Variants in NCKAP5 observed in about 807,000 individuals in gnomAD.
NCKAP5 encodes NCK associated protein 5.
Under a neutral mutation model 167.0 loss-of-function variants are expected in NCKAP5, and 92 were observed. That is an observed-to-expected ratio of 0.55 (90% CI 0.47 to 0.66). NCKAP5 has a LOEUF of 0.66. Ranked by LOEUF, NCKAP5 falls within the 30% of genes least tolerant of loss-of-function variation. NCKAP5 has a pLI of 0.00. For synonymous variants in NCKAP5, 891 were observed against 877.4 expected (o/e 1.02, Z -0.27); for missense variants, 2,378 against 2,315.0 (o/e 1.03, Z -0.56).
At chr2:133,521,555 T>TC (rs1187699242) in intron 2 of NCKAP5, among the ~76,000 whole-genome samples, 1 of 152,200 alleles carries the variant, frequency 6.6e-6, no homozygotes, top group Non-Finnish European at 1.5e-5. Flanking sequence ...AAGTCCAAGA[T>TC]CAAGTGCTAG....
At chr2:132,729,716 C>G (rs1250994501) in intron 17 of NCKAP5, among the ~76,000 whole-genome samples, 1 of 152,150 alleles carries the variant, frequency 6.6e-6, no homozygotes, top group African/African-American at 2.4e-5. Flanking sequence ...AGTAGATTAA[C>G]CTGCATAGTG....
chr2:133,156,749 C>T (rs1244238531), intron 5 of NCKAP5, among the ~76,000 whole-genome samples: 3 of 152,156 alleles, frequency 2.0e-5, no homozygotes, highest in South Asian at 2.1e-4. Flanking sequence ...TGCTTCCTTG[C>T]CTCCAATCTC....
At chr2:133,328,576 G>C (rs1022317557) in intron 3 of NCKAP5, among the ~76,000 whole-genome samples, 1 of 152,158 alleles carries the variant, frequency 6.6e-6, no homozygotes, top group African/African-American at 2.4e-5. Context: ...CATCCTTTGA[G>C]AGCCAAAGTG....
In NCKAP5 at chr2:132,879,194, C is replaced by T. The variant is rs77796169; in HGVS notation, c.580-278G>A. On this transcript the variant is annotated intron_variant, in intron 8 of 19. Transcript: ENST00000409261. ...ATCATGGTTTGATGTGAGAGTGTTC[C>T]GTAAAAAGATTACAATGTTTATTTT... is the stretch of plus-strand genomic sequence containing the variant. 0.016 allele frequency among the ~76,000 whole-genome samples: 2,381 copies of T among 152,108 alleles called. 55 individuals carry two copies. Among genetic ancestry groups the T allele is most frequent in the African/African-American group, 0.053 (2,199 of 41,464 alleles).
At chr2:132,812,280 G>A (rs573796808) in intron 11 of NCKAP5, among the ~76,000 whole-genome samples, 2 of 152,268 alleles carry the variant, frequency 1.3e-5, no homozygotes, top group African/African-American at 4.8e-5. Context: ...TCCTGCCTCC[G>A]GTCCTCCGTG....
At chr2:133,093,159 T>C (rs1051676144) in intron 6 of NCKAP5, among the ~76,000 whole-genome samples, 1 of 152,248 alleles carries the variant, frequency 6.6e-6, no homozygotes, top group African/African-American at 2.4e-5. Context: ...ATATTAGCTG[T>C]TACTATTGCT....
intron 4 of NCKAP5, among the ~76,000 whole-genome samples, chr2:133,262,474 T>C (rs564736323): frequency 1.3e-5 from 2 of 152,360 alleles, no homozygotes; most frequent in East Asian, 1.9e-4. Flanking sequence ...GGTACCGACA[T>C]GCTTCTTAAA....
At position 133,197,733 on chromosome 2, in the gene NCKAP5, G is replaced by C. The variant is rs982347280; in HGVS notation, c.207+15983C>G. Among the ~76,000 whole-genome samples the C allele has an allele frequency of 2.0e-5, 3 of 152,140 alleles. No homozygotes were observed. The South Asian group carries it at 6.2e-4, about 31-fold the overall frequency. On this transcript the variant is annotated intron_variant, in intron 5 of 19. Coordinates refer to ENST00000409261, the MANE Select transcript of NCKAP5 (RefSeq NM_207363.3). ...TGGGAGGCCAAGGTGGGCAGATCATGAGGTCATGAGATAGAGACCATCCTG... is the reference window on the plus strand; with the variant it reads ...TGGGAGGCCAAGGTGGGCAGATCATCAGGTCATGAGATAGAGACCATCCTG...
At chr2:133,286,247 C>T (rs1157759267) in intron 4 of NCKAP5, among the ~76,000 whole-genome samples, 7 of 152,224 alleles carry the variant, frequency 4.6e-5, no homozygotes, top group South Asian at 4.2e-4. Context: ...CCGCCTGCCT[C>T]GGCCTCCCAA....
the NCKAP5 span, among the ~76,000 whole-genome samples, chr2:133,632,136 G>A: frequency 6.6e-6 from 1 of 152,184 alleles, no homozygotes; most frequent in African/African-American, 2.4e-5. Context: ...TGTCAGGAGT[G>A]TTCACCAGGG....
chr2:133,472,900 T>C (rs1374230658), intron 3 of NCKAP5, among the ~76,000 whole-genome samples: 1 of 152,148 alleles, frequency 6.6e-6, no homozygotes, highest in Non-Finnish European at 1.5e-5. Context: ...GGATTGCTTC[T>C]CTTATTGGCT....
chr2:132,721,711 C>G (rs147176129), intron 19 of NCKAP5, among the ~76,000 whole-genome samples: 1 of 152,380 alleles, frequency 6.6e-6, no homozygotes, highest in South Asian at 2.1e-4. Context: ...CCAGCACACA[C>G]CCACAGCCAT....
intron 4 of NCKAP5, among the ~76,000 whole-genome samples, chr2:133,219,774 T>C (rs2086583573): frequency 6.6e-6 from 1 of 152,184 alleles, no homozygotes; most frequent in South Asian, 2.1e-4. Context: ...GGGTCTTTCT[T>C]TTCTAAAACT....
chr2:132,844,546 A>G (rs1026076), intron 11 of NCKAP5, among the ~76,000 whole-genome samples: 91,768 of 152,082 alleles, frequency 0.6, 29,569 homozygotes, highest in East Asian at 0.89. Flanking sequence ...ATTGTATCAC[A>G]TAACCTGTAT....
intron 10 of NCKAP5, among the ~76,000 whole-genome samples, chr2:132,868,619 G>T (rs1690547727): frequency 6.6e-6 from 1 of 152,080 alleles, no homozygotes; most frequent in Admixed American, 6.6e-5. Context: ...TCGTTTTATA[G>T]GAATTGGGAG....
intron 6 of NCKAP5, 35 bp from the exon 7 acceptor site, chr2:132,994,274 A>G: frequency 1.4e-6 from 2 of 1,474,058 alleles, no homozygotes; most frequent in Non-Finnish European, 9.2e-7. Context: ...TTCTTAAAGA[A>G]GGTTTCTAAT....
rs183778869 is a variant in NCKAP5, at chr2:132,766,210, T to C, written c.5128+7606A>G. Among the ~76,000 whole-genome samples, 837 of 143,624 alleles carry C rather than the reference T, an allele frequency of 5.8e-3. 4 individuals carry two copies. The highest frequency in any genetic ancestry group is 0.011 in the Middle Eastern group (3 of 262). 94.2% of individuals were successfully genotyped at this position (143,624 alleles called of 152,430 possible). A position where few individuals can be genotyped will look rare whatever the true frequency, so the allele number is the denominator to read the frequency against. On this transcript the variant is annotated intron_variant, in intron 16 of 19. Transcript: ENST00000409261. ...CAGGAGAATTGCTTGAACCAGGGTGTTGGAGGTTGCAGTGAGCTGAGATCG... is the reference window on the plus strand; with the variant it reads ...CAGGAGAATTGCTTGAACCAGGGTGCTGGAGGTTGCAGTGAGCTGAGATCG...
chr2:133,284,350 G>T (rs4589811), intron 4 of NCKAP5, among the ~76,000 whole-genome samples: 21,174 of 152,122 alleles, frequency 0.14, 1,485 homozygotes, highest in South Asian at 0.15. Flanking sequence ...GGTAGAAGAA[G>T]TTGGAAATAA....
At chr2:133,171,195 T>C (rs2084234144) in intron 5 of NCKAP5, among the ~76,000 whole-genome samples, 1 of 152,156 alleles carries the variant, frequency 6.6e-6, no homozygotes, top group South Asian at 2.1e-4. Flanking sequence ...CTGTTTTTCA[T>C]ACTGTGACAT....
Sources: allele counts gnomAD v4.1 joint callset (sites outside exome capture counted in the v4.1 genomes callset), GRCh38; gene constraint gnomAD v4.1.1; transcripts MANE v1.5; gene names NCBI Gene and HGNC (gene_info 2026-07-23, HGNC 2026-07-21).